SPAG17: variants seen among roughly 807,000 people sequenced by gnomAD.
The protein encoded by SPAG17 is sperm associated antigen 17.
SPAG17 carries 169 observed loss-of-function variants against 273.6 expected under a neutral mutation model. The observed-to-expected ratio is 0.62, with a 90% CI of 0.55 to 0.70. The LOEUF is 0.70. Ranked by LOEUF, SPAG17 falls within the 30% of genes least tolerant of loss-of-function variation. The pLI is 0.00. For synonymous variants in SPAG17, 825 were observed against 873.2 expected (o/e 0.94, Z 0.97); for missense variants, 2,557 against 2,627.8 (o/e 0.97, Z 0.59).
chr1:118,014,208 A>G (rs1659746783), intron 29 of SPAG17, among the ~76,000 whole-genome samples: 2 of 152,158 alleles, frequency 1.3e-5, no homozygotes, highest in African/African-American at 4.8e-5. Context: ...TGAGTGAGTT[A>G]GTATATGGAA....
At chr1:117,954,117 T>C (rs756798053) in intron 48 of SPAG17, 68 bp from the exon 49 acceptor site, 1 of 1,588,838 alleles carries the variant, frequency 6.3e-7, no homozygotes, top group Admixed American at 1.8e-5. Flanking sequence ...GAGAGTACAG[T>C]AAGTTACAGT....
chr1:118,093,389 C>G, intron 7 of SPAG17, 72 bp from the exon 8 acceptor site: 1 of 1,425,456 alleles, frequency 7.0e-7, no homozygotes, highest in Admixed American at 2.2e-5. Context: ...TGGTATATAT[C>G]TCTTAACAGT....
intron 48 of SPAG17, chr1:117,960,827 TTGA>T (rs1255750456): frequency 6.6e-6 from 1 of 152,270 alleles, no homozygotes; most frequent in African/African-American, 2.4e-5. Context: ...TGTGTTAATG[TTGA>T]TAATAGATTT....
intron 46 of SPAG17, 36 bp downstream of exon 46, chr1:117,970,020 C>T (rs369584715): frequency 1.8e-5 from 29 of 1,592,150 alleles, no homozygotes; most frequent in South Asian, 1.1e-4. Context: ...CTTGCATGCA[C>T]GCAAGCACAC....
intron 3 of SPAG17, among the ~76,000 whole-genome samples, chr1:118,129,795 GTCT>G (rs199770018): frequency 0.013 from 1,500 of 116,426 alleles, 9 homozygotes; most frequent in Non-Finnish European, 0.02. Flanking sequence ...CCTCTTCTTT[GTCT>G]TCTTCTTCTC....
intron 20 of SPAG17, 79 bp downstream of exon 20, chr1:118,053,923 T>C (rs1175760712): frequency 3.9e-6 from 4 of 1,029,214 alleles, no homozygotes; most frequent in South Asian, 3.1e-5. Context: ...CCACTCCCAC[T>C]GCCCCAAAGT....
intron 26 of SPAG17, 90 bp from the exon 27 acceptor site, chr1:118,025,506 T>C: frequency 9.7e-7 from 1 of 1,025,896 alleles, no homozygotes; most frequent in East Asian, 2.8e-5. Flanking sequence ...TTTTCTTTTC[T>C]TTTCTTTATT....
intron 40 of SPAG17, 111 bp downstream of exon 40, chr1:117,987,723 A>C: frequency 3.2e-5 from 33 of 1,039,748 alleles, no homozygotes; most frequent in Non-Finnish European, 4.5e-5. Flanking sequence ...ATGTTGCAGA[A>C]GAGAATCAAA....
intron 1 of SPAG17, among the ~76,000 whole-genome samples, chr1:118,176,147 G>A (rs942106807): frequency 6.6e-6 from 1 of 152,036 alleles, no homozygotes; most frequent in South Asian, 2.1e-4. Context: ...TACTACCAGA[G>A]AAAAATCACC....
chr1:118,046,480 G>GA (rs891609578), intron 20 of SPAG17, among the ~76,000 whole-genome samples: 4 of 151,548 alleles, frequency 2.6e-5, no homozygotes, highest in Admixed American at 1.3e-4. Context: ...TGTTCTGAAA[G>GA]AAAAAAATAT....
intron 25 of SPAG17, 87 bp from the exon 26 acceptor site, chr1:118,028,481 G>A (rs2101868196): frequency 6.5e-7 from 1 of 1,532,024 alleles, no homozygotes; most frequent in Non-Finnish European, 8.9e-7. Context: ...TATGCTGAGT[G>A]CTCAGGACAT....
At chr1:118,133,700 T>C (rs1658181593) in intron 3 of SPAG17, among the ~76,000 whole-genome samples, 1 of 152,184 alleles carries the variant, frequency 6.6e-6, no homozygotes. Context: ...AGCTGAGCCT[T>C]TGTTAGAAGT....
chr1:117,976,340 G>A (rs1436547033), intron 43 of SPAG17, among the ~76,000 whole-genome samples: 1 of 152,190 alleles, frequency 6.6e-6, no homozygotes, highest in Non-Finnish European at 1.5e-5. Context: ...GACCTGAGCC[G>A]AGTGAAGAAC....
chr1:118,105,743 T>C (rs1263905328), intron 4 of SPAG17, among the ~76,000 whole-genome samples: 1 of 151,806 alleles, frequency 6.6e-6, no homozygotes, highest in Non-Finnish European at 1.5e-5. Flanking sequence ...AGGGCTTCAG[T>C]GATGACAAGG....
At chr1:117,956,008 G>T (rs1652146457) in intron 48 of SPAG17, among the ~76,000 whole-genome samples, 1 of 152,072 alleles carries the variant, frequency 6.6e-6, no homozygotes, top group African/African-American at 2.4e-5. Flanking sequence ...CTGATTTTTA[G>T]CAGGCTTTAA....
chr1:118,152,900 C>G (rs1558049954), intron 1 of SPAG17, among the ~76,000 whole-genome samples: 1 of 152,192 alleles, frequency 6.6e-6, no homozygotes, highest in Non-Finnish European at 1.5e-5. Context: ...GGGGAAAAAT[C>G]TCTTTCATTT....
rs139932174 is a variant in SPAG17 at position 118,008,142 on chromosome 1, G to A, written c.4489C>T (p.Arg1497Cys). 553 of 1,614,004 alleles carry A rather than the reference G, an allele frequency of 3.4e-4. 3 individuals are homozygous for A. The highest frequency in any genetic ancestry group is 4.2e-4 in the South Asian group (38 of 91,076). Residue 1497 changes from arginine (R) to cysteine (C), a missense_variant, in exon 31 of 49, where the codon CGC becomes TGC. By Grantham distance (180) the Arg-to-Cys change is radical (BLOSUM62 -3). Transcript: ENST00000336338. ...CAGTTGGCGATAACAGTGGCATAGC[G>A]TGAGCTTTCTACCCGCATACACTTC... ...QVKCMRVESS[R>C]YATVIANCED... is the part of the protein sequence containing the mutation.
intron 28 of SPAG17, among the ~76,000 whole-genome samples, chr1:118,018,747 C>T (rs2101816631): frequency 6.6e-6 from 1 of 150,958 alleles, no homozygotes; most frequent in African/African-American, 2.4e-5. Flanking sequence ...TCAACAGCAA[C>T]ACTGGAAGCA....
At chr1:117,961,539 T>G (rs1653101633) in intron 48 of SPAG17, 1 of 152,208 alleles carries the variant, frequency 6.6e-6, no homozygotes, top group Non-Finnish European at 1.5e-5. Context: ...ATCTTTTTTG[T>G]TGTTGTTAAT....
Sources: allele counts gnomAD v4.1 joint callset (sites outside exome capture counted in the v4.1 genomes callset), GRCh38; gene constraint gnomAD v4.1.1; transcripts MANE v1.5; gene names NCBI Gene and HGNC (gene_info 2026-07-23, HGNC 2026-07-21).